The following PDE11A variants were observed in gnomAD, a reference collection of about 807,000 sequenced individuals.
PDE11A encodes the protein phosphodiesterase 11A.
A neutral mutation model predicts 100.5 loss-of-function variants in PDE11A; 100 were observed. The ratio of observed to expected loss-of-function variants is 1.00; its 90% confidence interval spans 0.85 to 1.18. The LOEUF (loss-of-function observed/expected upper bound fraction) is 1.18. Among genes scored for constraint, PDE11A ranks in the 50% most tolerant of loss-of-function variants. The probability of loss-of-function intolerance (pLI) is 0.00; values close to 1 mark genes in which losing one functional copy is unlikely to be tolerated. For synonymous variants in PDE11A, 381 were observed against 420.8 expected (o/e 0.91, Z 1.16); for missense variants, 1,141 against 1,152.6 (o/e 0.99, Z 0.15).
rs781263139 is a variant in PDE11A at position 177,711,801 on chromosome 2, G to T, written c.2121C>A (p.Asp707Glu). The T allele has an allele frequency of 6.2e-7, 1 of 1,607,364 alleles. No homozygotes were observed. Among genetic ancestry groups the T allele is most frequent in the Non-Finnish European group, 8.5e-7 (1 of 1,173,936 alleles). The change falls in exon 13 of 20, where the codon GAC becomes GAA. Residue 707 changes from aspartate (D) to glutamate (E), a missense_variant. By Grantham distance (45) the Asp-to-Glu change is conservative. Transcript: ENST00000286063. Reference sequence around the variant, plus strand: ...GGAAGGCATTGTTGGTTCCCCTGTGGTCGAGGTCATGACACAGGCATCCCA... The same window carrying T: ...GGAAGGCATTGTTGGTTCCCCTGTGTTCGAGGTCATGACACAGGCATCCCA... ...VIVGCLCHDL[D>E]HRGTNNAFQA...
At chr2:177,656,459 A>G (rs1161527859) in intron 19 of PDE11A, among the ~76,000 whole-genome samples, 2 of 151,262 alleles carry the variant, frequency 1.3e-5, no homozygotes, top group East Asian at 3.8e-4. Context: ...TGCATTTCTC[A>G]GAATGTATCC....
At chr2:177,935,112 CA>C (rs566697134) in intron 2 of PDE11A, among the ~76,000 whole-genome samples, 70 of 150,550 alleles carry the variant, frequency 4.6e-4, no homozygotes, top group African/African-American at 1.5e-3. Flanking sequence ...AATAAAAGTA[CA>C]AAAAAAAAGA....
chr2:178,071,992 A>C lies in PDE11A; in HGVS notation c.446T>G (p.Leu149Arg). 2 of 1,614,074 alleles carry C rather than the reference A, an allele frequency of 1.2e-6. No homozygotes were observed. Among genetic ancestry groups the C allele is most frequent in the Admixed American group, 1.7e-5 (1 of 60,020 alleles). The change falls in exon 1 of 20, where the codon CTG becomes CGG. Residue 149 changes from leucine (L) to arginine (R), a missense_variant. Transcript: ENST00000286063. ...EQVTSRAQEP[L>R]SSVRRRALLR... Reference sequence around the variant, plus strand: ...AAGTGCCCTCCGTCGTACACTACTCAGGGGTTCCTGAGCCCGGGAGGTCAC... The same window carrying C: ...AAGTGCCCTCCGTCGTACACTACTCCGGGGTTCCTGAGCCCGGGAGGTCAC...
intron 4 of PDE11A, 96 bp from the exon 5 acceptor site, chr2:177,876,019 T>C (rs2084235065): frequency 5.1e-6 from 4 of 786,134 alleles, no homozygotes; most frequent in Non-Finnish European, 9.0e-6. Flanking sequence ...ATGATTATAA[T>C]ACTTGGAGAT....
chr2:177,997,372 T>C, intron 2 of PDE11A: 1 of 837,436 alleles, frequency 1.2e-6, no homozygotes, highest in Non-Finnish European at 2.1e-6. Flanking sequence ...TCTGGGGTGG[T>C]GAACCTGAAG....
At chr2:177,789,567 G>T (rs1166687498) in intron 9 of PDE11A, among the ~76,000 whole-genome samples, 4 of 151,526 alleles carry the variant, frequency 2.6e-5, no homozygotes, top group Non-Finnish European at 5.9e-5. Context: ...GGAAATAAAG[G>T]GTATTCAATT....
At chr2:177,880,306 C>A (rs757540383) in intron 4 of PDE11A, among the ~76,000 whole-genome samples, 1 of 152,160 alleles carries the variant, frequency 6.6e-6, no homozygotes, top group Non-Finnish European at 1.5e-5. Flanking sequence ...TATCAGTTGA[C>A]CACTGGAGGA....
At chr2:177,869,691 G>A (rs576776019) in intron 5 of PDE11A, among the ~76,000 whole-genome samples, 1 of 152,206 alleles carries the variant, frequency 6.6e-6, no homozygotes, top group African/African-American at 2.4e-5. Context: ...TGAGGATCTT[G>A]GGGGTCAACA....
chr2:178,060,404 G>T (rs1019641517), intron 1 of PDE11A, among the ~76,000 whole-genome samples: 1 of 152,144 alleles, frequency 6.6e-6, no homozygotes, highest in African/African-American at 2.4e-5. Flanking sequence ...CAATGTTTTG[G>T]CATATTGACC....
rs59287027 is a variant in PDE11A at position 178,001,311 on chromosome 2, T to TGTGTGTGTGTGTGTGTGTGTGG, written c.1071+12990_1071+12991insCCACACACACACACACACACAC. ...GTGTGTGTGTGTGTGTGTGTGTGTG[T>TGTGTGTGTGTGTGTGTGTGTGG]AGTAGGTTTAATATGCCATCAAGGA... is the stretch of plus-strand genomic sequence containing the variant. On this transcript the variant is annotated intron_variant, in intron 2 of 19. Transcript: ENST00000286063. Among the ~76,000 whole-genome samples, 4 of 148,132 alleles carry TGTGTGTGTGTGTGTGTGTGTGG rather than the reference T, an allele frequency of 2.7e-5. No homozygotes were observed. In the South Asian group the frequency reaches 6.5e-4, roughly 24 times the overall value.
At chr2:177,725,756 T>C (rs1051808953) in intron 12 of PDE11A, among the ~76,000 whole-genome samples, 11 of 152,256 alleles carry the variant, frequency 7.2e-5, no homozygotes, top group African/African-American at 1.9e-4. Context: ...GAAAACTGGA[T>C]ATATATTTCC....
chr2:177,698,726 G>A (rs563000337), intron 14 of PDE11A, among the ~76,000 whole-genome samples: 1 of 152,220 alleles, frequency 6.6e-6, no homozygotes, highest in East Asian at 1.9e-4. Flanking sequence ...CTGGGACCAG[G>A]TCCAATATTA....
At chr2:177,733,576 G>GA (rs1325274592) in intron 10 of PDE11A, among the ~76,000 whole-genome samples, 1 of 152,204 alleles carries the variant, frequency 6.6e-6, no homozygotes, top group Non-Finnish European at 1.5e-5. Flanking sequence ...AAAATGGGAA[G>GA]AAACAACAAA....
chr2:177,840,999 C>A (rs1198276160), intron 5 of PDE11A, among the ~76,000 whole-genome samples: 1 of 151,954 alleles, frequency 6.6e-6, no homozygotes, highest in Non-Finnish European at 1.5e-5. Flanking sequence ...GCCCATATAC[C>A]ACTTACAAAA....
intron 10 of PDE11A, among the ~76,000 whole-genome samples, chr2:177,742,743 T>C (rs2081891895): frequency 6.6e-6 from 1 of 152,208 alleles, no homozygotes. Context: ...GAAAGGGGAC[T>C]TTCTCTGAGA....
At chr2:178,056,705 T>G (rs1381579324) in intron 1 of PDE11A, among the ~76,000 whole-genome samples, 1 of 152,130 alleles carries the variant, frequency 6.6e-6, no homozygotes. Flanking sequence ...CACATGGAAG[T>G]AAAAAAATAA....
At chr2:178,084,000 T>C (rs1348827681) in intron 2 of PDE11A, among the ~76,000 whole-genome samples, 1 of 152,224 alleles carries the variant, frequency 6.6e-6, no homozygotes, top group Non-Finnish European at 1.5e-5. Flanking sequence ...GCTATATAGA[T>C]ACGTTCATAT....
intron 1 of PDE11A, among the ~76,000 whole-genome samples, chr2:178,050,215 TG>T (rs1388939620): frequency 6.6e-6 from 1 of 152,326 alleles, no homozygotes; most frequent in East Asian, 1.9e-4. Flanking sequence ...CTGCAGCCTC[TG>T]CTGGTGATAC....
At chr2:177,802,333 C>A (rs2082806082) in intron 9 of PDE11A, among the ~76,000 whole-genome samples, 1 of 151,942 alleles carries the variant, frequency 6.6e-6, no homozygotes, top group Non-Finnish European at 1.5e-5. Flanking sequence ...ACATACTGAC[C>A]TTTTGACCAA....
Sources: allele counts gnomAD v4.1 joint callset (sites outside exome capture counted in the v4.1 genomes callset), GRCh38; gene constraint gnomAD v4.1.1; transcripts MANE v1.5; gene names NCBI Gene and HGNC (gene_info 2026-07-23, HGNC 2026-07-21).